PTPRJ: variants seen among roughly 807,000 people sequenced by gnomAD.
PTPRJ encodes receptor-type tyrosine-protein phosphatase eta.
Under a neutral mutation model 141.3 loss-of-function variants are expected in PTPRJ, and 129 were observed. The observed-to-expected ratio is 0.91, with a 90% CI of 0.79 to 1.06. The LOEUF is 1.06. Ranked by LOEUF, PTPRJ falls within the 50% of genes least tolerant of loss-of-function variation. The probability of loss-of-function intolerance (pLI) is 0.00; values close to 1 mark genes in which losing one functional copy is unlikely to be tolerated. For missense variants in PTPRJ, 1,601 were observed against 1,679.7 expected, an observed-to-expected ratio of 0.95 and a Z score of 0.82; for synonymous variants, 610 against 640.5, an observed-to-expected ratio of 0.95 and a Z score of 0.72.
intron 3 of PTPRJ, among the ~76,000 whole-genome samples, chr11:48,113,231 T>C (rs1218341566): frequency 6.6e-6 from 1 of 152,248 alleles, no homozygotes; most frequent in African/African-American, 2.4e-5. Context: ...GATATATGCA[T>C]GCCTGTGTGC....
chr11:48,049,217 C>G (rs1854487821), intron 1 of PTPRJ, among the ~76,000 whole-genome samples: 1 of 151,956 alleles, frequency 6.6e-6, no homozygotes, highest in Non-Finnish European at 1.5e-5. Flanking sequence ...CCAGTAGCAC[C>G]CCCCTCCCAA....
chr11:48,165,030 C>T (rs1050004949), intron 24 of PTPRJ, among the ~76,000 whole-genome samples: 1 of 152,196 alleles, frequency 6.6e-6, no homozygotes, highest in African/African-American at 2.4e-5. Flanking sequence ...CATAGTAGTA[C>T]TGATGTCAGT....
chr11:48,089,532 A>AC (rs1855810156), intron 1 of PTPRJ, among the ~76,000 whole-genome samples: 1 of 146,818 alleles, frequency 6.8e-6, no homozygotes, highest in African/African-American at 2.5e-5. Context: ...AAAAAAAAAA[A>AC]CAAAAAAAAC....
rs137865417 is a variant in PTPRJ, at chr11:48,060,510, G to A, written c.97-49548G>A. 3.9e-3 allele frequency among the ~76,000 whole-genome samples: 587 copies of A among 152,126 alleles called. 3 individuals carry two copies. Among genetic ancestry groups the A allele is most frequent in the Non-Finnish European group, 5.9e-3 (403 of 68,008 alleles). On this transcript the variant is annotated intron_variant, in intron 1 of 24. Transcript: ENST00000418331. ...AAACAAGCATTTGCTCTACCCACAC[G>A]CACAGTTGGAAAGATGCAGGTTTGA...
At chr11:48,024,914 C>T (rs1178075445) in intron 1 of PTPRJ, among the ~76,000 whole-genome samples, 3 of 152,292 alleles carry the variant, frequency 2.0e-5, no homozygotes, top group East Asian at 1.9e-4. Flanking sequence ...GGAACAGTCG[C>T]GTTTACAGAG....
At chr11:48,086,026 T>G (rs941991465) in intron 1 of PTPRJ, among the ~76,000 whole-genome samples, 4 of 152,178 alleles carry the variant, frequency 2.6e-5, no homozygotes, top group Non-Finnish European at 5.9e-5. Context: ...TCATGTTTAA[T>G]TCTTGGAACC....
intron 1 of PTPRJ, among the ~76,000 whole-genome samples, chr11:47,982,514 A>T (rs1853937080): frequency 6.6e-6 from 1 of 152,172 alleles, no homozygotes; most frequent in African/African-American, 2.4e-5. Flanking sequence ...AAATTCAGGG[A>T]AGCAGTGTCT....
At chr11:48,128,066 C>T in intron 7 of PTPRJ, 23 bp downstream of exon 7, 2 of 1,601,818 alleles carry the variant, frequency 1.2e-6, no homozygotes, top group Non-Finnish European at 8.5e-7. Context: ...CTGGCTCTCA[C>T]CACCCTTTCC....
chr11:48,039,903 C>T (rs969988546), intron 1 of PTPRJ, among the ~76,000 whole-genome samples: 2 of 152,110 alleles, frequency 1.3e-5, no homozygotes, highest in Admixed American at 6.5e-5. Context: ...ATTCTTCTGC[C>T]TCAGCCTCCC....
intron 24 of PTPRJ, 56 bp downstream of exon 24, chr11:48,164,571 T>TTTC: frequency 6.6e-7 from 1 of 1,518,112 alleles, no homozygotes; most frequent in Non-Finnish European, 8.8e-7. Context: ...TTTTTTTTTT[T>TTTC]TTTTTTTTTT....
chr11:48,120,404 G>A lies in PTPRJ; in HGVS notation c.353-599G>A, dbSNP rs150247293. ...GCAGCGTTTTCTGAGAATGGGGAGAGGGACTCATTTTGCATCTTTGATCTC... is the reference window on the plus strand; with the variant it reads ...GCAGCGTTTTCTGAGAATGGGGAGAAGGACTCATTTTGCATCTTTGATCTC... On this transcript the variant is annotated intron_variant, in intron 3 of 24. Coordinates refer to ENST00000418331, the MANE Select transcript of PTPRJ (RefSeq NM_002843.4). 2.6e-5 allele frequency among the ~76,000 whole-genome samples: 4 copies of A among 152,150 alleles called. No homozygotes were observed. In the East Asian group the frequency reaches 7.7e-4, roughly 29 times the overall value.
chr11:48,159,133 G>C (rs7950523), intron 21 of PTPRJ, among the ~76,000 whole-genome samples: 25 of 117,828 alleles, frequency 2.1e-4, no homozygotes, highest in South Asian at 1.2e-3. Flanking sequence ...GTGTGTGTGT[G>C]TGTGTGTGTG....
intron 8 of PTPRJ, among the ~76,000 whole-genome samples, chr11:48,132,992 G>A (rs1857015321): frequency 6.6e-6 from 1 of 152,190 alleles, no homozygotes; most frequent in Non-Finnish European, 1.5e-5. Context: ...GATCACCACT[G>A]AGGGAGATGC....
intron 1 of PTPRJ, among the ~76,000 whole-genome samples, chr11:48,100,977 G>T (rs1013093009): frequency 2.6e-5 from 4 of 151,996 alleles, no homozygotes; most frequent in Admixed American, 1.3e-4. Context: ...CTTTGCTTCA[G>T]CTCCCTCCTG....
Position 48,130,662 on chromosome 11 carries a change from C to A in PTPRJ, c.1561C>A (p.Pro521Thr), listed in dbSNP as rs724159932. 4.3e-6 allele frequency: 7 copies of A among 1,613,736 alleles called. No individual in the cohort carries two copies. Among genetic ancestry groups the A allele is most frequent in the Non-Finnish European group, 5.9e-6 (7 of 1,179,930 alleles). The change falls in exon 8 of 25, where the codon CCA becomes ACA. Residue 521 changes from proline (P) to threonine (T), a missense_variant. Transcript: ENST00000418331. ...AACCAAGTATTGCTTTGAAATAGTT[C>A]CAAAAGGACCAAATGGGACTGAAGG... is the stretch of plus-strand genomic sequence containing the variant. Reference protein sequence around the residue: ...PGTKYCFEIVPKGPNGTEGAS... With the variant: ...PGTKYCFEIVTKGPNGTEGAS...
rs75367689 is a variant in PTPRJ, at chr11:48,169,347, G to A, written c.*1985G>A. The A allele has an allele frequency of 3.3e-5, 5 of 152,286 alleles. No homozygotes were observed. Among genetic ancestry groups the A allele is most frequent in the Non-Finnish European group, 5.9e-5 (4 of 68,026 alleles). The allele number at this position is 152,286 out of a possible 1,614,324, so 9.4% of individuals were successfully genotyped here. On this transcript the variant is annotated 3_prime_UTR_variant, in exon 25 of 25. Transcript: ENST00000418331. ...TATCAGGTCCTCAAAGGAATGAGTT[G>A]GCCCGGCTAGGGTGGGCCCTCTTGA...
intron 1 of PTPRJ, among the ~76,000 whole-genome samples, chr11:48,043,036 G>C (rs1031611387): frequency 1.3e-5 from 2 of 152,098 alleles, no homozygotes; most frequent in African/African-American, 4.8e-5. Flanking sequence ...TAGCTGGTAG[G>C]CTGCTTTATG....
intron 7 of PTPRJ, among the ~76,000 whole-genome samples, chr11:48,129,402 A>G (rs73468833): frequency 0.015 from 2,354 of 152,210 alleles, 74 homozygotes; most frequent in African/African-American, 0.054. Context: ...GCGTGTGCCT[A>G]TGCCCTCATC....
chr11:48,123,997 C>A, intron 5 of PTPRJ, 127 bp downstream of exon 5: 1 of 1,152,952 alleles, frequency 8.7e-7, no homozygotes, highest in Non-Finnish European at 1.2e-6. Flanking sequence ...TTTTCCTCCA[C>A]ATTTTAGTTT....
Sources: gnomAD v4.1 joint callset for allele counts (sites outside exome capture counted in the v4.1 genomes callset) on GRCh38, gnomAD v4.1.1 for gene constraint, MANE v1.5 for transcripts, NCBI Gene and HGNC (gene_info 2026-07-23, HGNC 2026-07-21) for gene names.